CYP2E1: variants seen among roughly 807,000 people sequenced by gnomAD.
CYP2E1 encodes cytochrome P450 2E1.
A neutral mutation model predicts 42.9 loss-of-function variants in CYP2E1; 31 were observed. The ratio of observed to expected loss-of-function variants is 0.72; its 90% CI spans 0.54 to 0.98. The LOEUF is 0.98. Ranked by LOEUF, CYP2E1 falls within the 50% of genes least tolerant of loss-of-function variation. The pLI is 0.00. For missense variants in CYP2E1, 565 were observed against 633.2 expected, an observed-to-expected ratio of 0.89 and a Z score of 1.16; for synonymous variants, 244 against 248.9, an observed-to-expected ratio of 0.98 and a Z score of 0.19.
chr10:133,528,818 G>A (rs1851303983), intron 2 of CYP2E1, among the ~76,000 whole-genome samples, 178 bp downstream of exon 2: 1 of 152,260 alleles, frequency 6.6e-6, no homozygotes, highest in South Asian at 2.1e-4. Context: ...TGCGGAGCGA[G>A]GCGCACTGAG....
intron 2 of CYP2E1, among the ~76,000 whole-genome samples, chr10:133,530,065 G>T (rs530656456): frequency 6.6e-6 from 1 of 152,256 alleles, no homozygotes; most frequent in East Asian, 1.9e-4. Context: ...CATCAACACA[G>T]ATGGGGCTCA....
At position 133,538,983 on chromosome 10, in the gene CYP2E1, G is replaced by T. The variant is rs374012342; in HGVS notation, c.*19G>T. On this transcript the variant is annotated 3_prime_UTR_variant, in exon 9 of 9. Transcript: ENST00000252945. ...CTCATGAGTGTGTGGAGGACACCCTGAACCCCCCGCTTTCAAACAAGTTTT... is the reference window on the plus strand; with the variant it reads ...CTCATGAGTGTGTGGAGGACACCCTTAACCCCCCGCTTTCAAACAAGTTTT... 6.4e-7 allele frequency: 1 copy of T among 1,550,500 alleles called. No homozygotes were observed. The highest frequency in any genetic ancestry group is 2.0e-5 in the Admixed American group (1 of 49,942).
intron 6 of CYP2E1, among the ~76,000 whole-genome samples, chr10:133,536,609 GT>G (rs1851403410): frequency 4.9e-5 from 1 of 20,490 alleles, no homozygotes; most frequent in Non-Finnish European, 1.1e-4. Context: ...GGATGGGTGG[GT>G]GGGTGGGTGG....
intron 2 of CYP2E1, 116 bp downstream of exon 2, chr10:133,528,756 C>T (rs943975): frequency 0.89 from 1,147,927 of 1,286,124 alleles, 516,439 homozygotes; most frequent in South Asian, 0.95. Context: ...ATTATAGTAA[C>T]AGCATCCGAA....
chr10:133,528,044 T>C (rs2133592583), intron 1 of CYP2E1: 1 of 222,604 alleles, frequency 4.5e-6, no homozygotes, highest in South Asian at 9.0e-5. Flanking sequence ...GAGCAGGCGC[T>C]GGGTGTTTGC....
chr10:133,537,397 G>T (rs946166053), intron 7 of CYP2E1, 147 bp downstream of exon 7: 10 of 759,502 alleles, frequency 1.3e-5, no homozygotes, highest in Non-Finnish European at 1.9e-5. Flanking sequence ...CCACCCTGTG[G>T]GATACTGCAT....
At chr10:133,537,354 A>C (rs1851418740) in intron 7 of CYP2E1, 104 bp downstream of exon 7, 3 of 1,224,188 alleles carry the variant, frequency 2.5e-6, no homozygotes, top group East Asian at 2.4e-5. Context: ...TCCCTTTGGC[A>C]GGGGTCACTG....
chr10:133,537,010 C>T, intron 6 of CYP2E1, 53 bp from the exon 7 acceptor site: 7 of 563,868 alleles, frequency 1.2e-5, no homozygotes, highest in Non-Finnish European at 2.1e-5. Flanking sequence ...TGGGTGGATG[C>T]CCAACTGGCC....
intron 6 of CYP2E1, 75 bp downstream of exon 6, chr10:133,533,972 T>C (rs1352621090): frequency 3.3e-6 from 5 of 1,506,252 alleles, no homozygotes; most frequent in Non-Finnish European, 4.6e-6. Context: ...CATTTTAGGC[T>C]GCAGCTTTCT....
chr10:133,537,244 C>T lies in CYP2E1; in HGVS notation c.1149C>T (p.Ile383=), dbSNP rs752179109. The change falls in exon 7 of 9, where the codon ATC becomes ATT. Residue 383 remains isoleucine (I), a synonymous_variant. Transcript: ENST00000252945. Reference sequence around the variant, plus strand: ...ACACCATTTTCAGAGGATACCTCATCCCCAAGGTTAAGCAATGAGCCTGCA... The same window carrying T: ...ACACCATTTTCAGAGGATACCTCATTCCCAAGGTTAAGCAATGAGCCTGCA... ...TRDTIFRGYL[I]PKGTVVVPTL... is the part of the protein sequence containing the mutation. 2.9e-5 allele frequency: 46 copies of T among 1,613,486 alleles called. No homozygotes were observed. In the South Asian group the frequency reaches 4.8e-4, roughly 17 times the overall value.
chr10:133,538,972 G>A lies in CYP2E1; in HGVS notation c.*8G>A, dbSNP rs751053110. The A allele has an allele frequency of 2.5e-6, 4 of 1,593,208 alleles. No individual in the cohort carries two copies. Among genetic ancestry groups the A allele is most frequent in the Non-Finnish European group, 3.4e-6 (4 of 1,167,806 alleles). Reference sequence around the variant, plus strand: ...GTCATTCCCCGCTCATGAGTGTGTGGAGGACACCCTGAACCCCCCGCTTTC... The same window carrying A: ...GTCATTCCCCGCTCATGAGTGTGTGAAGGACACCCTGAACCCCCCGCTTTC... On this transcript the variant is annotated 3_prime_UTR_variant, in exon 9 of 9. Coordinates refer to ENST00000252945, the MANE Select transcript of CYP2E1 (RefSeq NM_000773.4).
rs557994567 is a variant in CYP2E1 at position 133,532,162 on chromosome 10, C to T, written c.526C>T (p.Pro176Ser). The T allele has an allele frequency of 3.1e-6, 5 of 1,613,986 alleles. No individual in the cohort carries two copies. In the African/African-American group the frequency reaches 6.7e-5, roughly 22 times the overall value. Residue 176 changes from proline to serine, a missense_variant, in exon 4 of 9, where the codon CCC (proline) becomes TCC (serine). Pro to Ser is a moderately conservative substitution (Grantham distance 74). Transcript: ENST00000252945. ...FDPTFLIGCA[P>S]CNVIADILFR... The stretch of plus-strand genomic sequence containing the variant: ...CCCCACCTTCCTCATCGGCTGCGCG[C>T]CCTGCAACGTCATAGCCGACATCCT...
chr10:133,533,150 A>G (rs990721923), intron 5 of CYP2E1, among the ~76,000 whole-genome samples: 3 of 152,026 alleles, frequency 2.0e-5, no homozygotes, highest in African/African-American at 7.3e-5. Context: ...TGAGAATTGC[A>G]TTTTGTCTGA....
intron 1 of CYP2E1, 139 bp from the exon 2 acceptor site, chr10:133,528,342 C>G (rs1851295773): frequency 9.8e-7 from 1 of 1,018,414 alleles, no homozygotes; most frequent in African/African-American, 1.6e-5. Flanking sequence ...CCACCTCGGG[C>G]TGGACAAAGA....
chr10:133,530,579 T>C lies in CYP2E1; in HGVS notation c.338-1006T>C, dbSNP rs544990242. ...TTCACCAGGCACTTTCTGAGCACCC[T>C]GCAGGCGCCTCCCAGGAGTGGTCAG... On this transcript the variant is annotated intron_variant, in intron 2 of 8. Transcript: ENST00000252945. 3.1e-4 allele frequency among the ~76,000 whole-genome samples: 47 copies of C among 152,306 alleles called. 1 individual carries two copies. Among genetic ancestry groups the C allele is most frequent in the African/African-American group, 1.1e-3 (46 of 41,556 alleles).
intron 7 of CYP2E1, 64 bp from the exon 8 acceptor site, chr10:133,537,687 G>T (rs940834873): frequency 9.4e-6 from 13 of 1,380,266 alleles, no homozygotes; most frequent in Non-Finnish European, 1.2e-5. Context: ...TTCACTGGGG[G>T]TTTCCAGATG....
intron 6 of CYP2E1, 134 bp downstream of exon 6, chr10:133,534,031 A>G: frequency 3.3e-6 from 3 of 922,958 alleles, no homozygotes; most frequent in Non-Finnish European, 3.3e-6. Context: ...AGATGGCTAG[A>G]TGCACTGCTG....
chr10:133,533,944 T>C (rs1851370011), intron 6 of CYP2E1, 47 bp downstream of exon 6: 1 of 1,604,306 alleles, frequency 6.2e-7, no homozygotes, highest in African/African-American at 1.3e-5. Flanking sequence ...TGCATCTCCC[T>C]GGATGGCCAG....
Position 133,533,776 on chromosome 10 carries a change from C to T in CYP2E1, c.846C>T (p.Arg282=). The T allele has an allele frequency of 6.2e-7, 1 of 1,614,160 alleles. No homozygotes were observed. Among genetic ancestry groups the T allele is most frequent in the Non-Finnish European group, 8.5e-7 (1 of 1,180,016 alleles). Residue 282 remains arginine (R), a synonymous_variant, in exon 6 of 9, where the codon CGC becomes CGT. Coordinates refer to ENST00000252945, the MANE Select transcript of CYP2E1 (RefSeq NM_000773.4). ...EMEKEKHSAE[R]LYTMDGITVT... is the part of the protein sequence containing the mutation. The stretch of plus-strand genomic sequence containing the variant: ...CACAGGAAAAGCACAGTGCAGAGCG[C>T]TTGTACACAATGGACGGTATCACCG...
Sources: allele counts gnomAD v4.1 joint callset (sites outside exome capture counted in the v4.1 genomes callset), GRCh38; gene constraint gnomAD v4.1.1; transcripts MANE v1.5; gene names NCBI Gene and HGNC (gene_info 2026-07-23, HGNC 2026-07-21).